The following COL9A2 variants were observed in gnomAD, a reference collection of about 807,000 sequenced individuals.
The protein encoded by COL9A2 is collagen alpha-2(IX) chain.
A neutral mutation model predicts 111.6 loss-of-function variants in COL9A2; 66 were observed. The observed-to-expected ratio is 0.59, with a 90% CI of 0.48 to 0.73. COL9A2 has a LOEUF of 0.73. Ranked by LOEUF, COL9A2 falls within the 30% of genes least tolerant of loss-of-function variation. The pLI, the probability that COL9A2 is intolerant of heterozygous loss-of-function variation, is 0.00. For synonymous variants in COL9A2, 353 were observed against 364.1 expected, an observed-to-expected ratio of 0.97 and a Z score of 0.35; for missense variants, 881 against 954.1, an observed-to-expected ratio of 0.92 and a Z score of 1.01.
chr1:40,307,691 C>T lies in COL9A2; in HGVS notation c.954+12G>A. The T allele has an allele frequency of 1.2e-6, 2 of 1,614,062 alleles. No individual in the cohort carries two copies. The highest frequency in any genetic ancestry group is 1.7e-6 in the Non-Finnish European group (2 of 1,179,946). On this transcript the variant is annotated intron_variant, in intron 18 of 31. Transcript: ENST00000372748. This position sits in a 1 kb window ranked among gnomAD's most constrained non-coding sequence, Gnocchi z 4.8. ...GCCCCTGCCCCAGTCCCATCAGCAG[C>T]CCCACTCCTACCTTCATGCCAGGCG...
chr1:40,308,516 C>T (rs1449104911), intron 16 of COL9A2, among the ~76,000 whole-genome samples: 1 of 152,220 alleles, frequency 6.6e-6, no homozygotes, highest in South Asian at 2.1e-4. Context: ...TGGCCAAGGC[C>T]CCACAATCCA....
intron 22 of COL9A2, 61 bp from the exon 23 acceptor site, chr1:40,304,590 C>G (rs543645717): frequency 6.3e-7 from 1 of 1,590,946 alleles, no homozygotes; most frequent in East Asian, 2.2e-5. Context: ...CCTCCCGCAC[C>G]GAGGCCTGGC....
rs776949373 is a variant in COL9A2 at position 40,308,230 on chromosome 1, G to A, written c.862C>T (p.Arg288Cys). ...GGGCCTGTGATCCCCTGGGGTCCAC[G>A]AATACCTGGGCTGCCCTGCAAAGCG... ...EKGDEGSPGI[R>C]GPQGITGPKG... Residue 288 changes from arginine to cysteine, a missense_variant, in exon 17 of 32, where the codon CGT becomes TGT. Coordinates refer to ENST00000372748, the MANE Select transcript of COL9A2 (RefSeq NM_001852.4). 8.7e-6 allele frequency: 14 copies of A among 1,613,940 alleles called. No individual in the cohort carries two copies. The highest frequency in any genetic ancestry group is 1.1e-5 in the South Asian group (1 of 91,060).
chr1:40,302,804 G>A lies in COL9A2; in HGVS notation c.1609C>T (p.Leu537=), dbSNP rs1057515453. ...TTGGCACTCACGGCGACCTCTGCCA[G>A]TTGCTCTGGAGGGAGGGAGGGAGGG... ...DVALKMLQEQ[L]AEVAVSAKRE... Residue 537 remains leucine, a synonymous_variant, in exon 30 of 32, where the codon CTG becomes TTG. Coordinates refer to ENST00000372748, the MANE Select transcript of COL9A2 (RefSeq NM_001852.4). The surrounding 1 kb of genome is among the most constrained non-coding windows in gnomAD (Gnocchi z 4.5). 3 of 815,582 alleles carry A rather than the reference G, an allele frequency of 3.7e-6. No homozygotes were observed. The highest frequency in any genetic ancestry group is 1.3e-4 in the East Asian group (2 of 15,688). 50.5% of individuals were successfully genotyped at this position (815,582 alleles called of 1,614,324 possible).
chr1:40,300,499 C>T lies in COL9A2; in HGVS notation c.*683G>A, dbSNP rs1057515565. On this transcript the variant is annotated 3_prime_UTR_variant, in exon 32 of 32. Transcript: ENST00000372748. The surrounding 1 kb of genome is among the most constrained non-coding windows in gnomAD (Gnocchi z 4.4). ...CCAACAACTCCTCTATCCTAGTTAA[C>T]TCCAGGATAGAGTAACTCCAATATC... The T allele has an allele frequency of 2.0e-5, 3 of 152,298 alleles. No homozygotes were observed. The highest frequency in any genetic ancestry group is 1.3e-4 in the Admixed American group (2 of 15,288). The allele number at this position is 152,298 out of a possible 1,614,324, so 9.4% of individuals were successfully genotyped here. A position where few individuals can be genotyped will look rare whatever the true frequency, so the allele number is the denominator to read the frequency against.
chr1:40,303,750 C>T lies in COL9A2; in HGVS notation c.1401+57G>A. 6.7e-7 allele frequency: 1 copy of T among 1,495,234 alleles called. No individual in the cohort carries two copies. The highest frequency in any genetic ancestry group is 8.9e-7 in the Non-Finnish European group (1 of 1,121,764). The allele number at this position is 1,495,234 out of a possible 1,614,324, so 92.6% of individuals were successfully genotyped here. ...GTGGGCGAGAGTGGGGGGTGGGGGT[C>T]GAGGAAGGGAGTGGCCGCCCAGGAA... is the stretch of plus-strand genomic sequence containing the variant. On this transcript the variant is annotated intron_variant, in intron 27 of 31. Coordinates refer to ENST00000372748, the MANE Select transcript of COL9A2 (RefSeq NM_001852.4). The surrounding 1 kb of genome is among the most constrained non-coding windows in gnomAD (Gnocchi z 4.6).
chr1:40,302,439 A>G lies in COL9A2; in HGVS notation c.1792+182T>C, dbSNP rs560359790. Among the ~76,000 whole-genome samples the G allele has an allele frequency of 3.0e-4, 46 of 152,292 alleles. No homozygotes were observed. Among genetic ancestry groups the G allele is most frequent in the African/African-American group, 9.6e-4 (40 of 41,564 alleles). The stretch of plus-strand genomic sequence containing the variant: ...CAAACCCCAGAAACCCCGAGTGATA[A>G]CATAGTACATTCATTGCCATCCGTT... On this transcript the variant is annotated intron_variant, in intron 30 of 31. Coordinates refer to ENST00000372748, the MANE Select transcript of COL9A2 (RefSeq NM_001852.4). This position sits in a 1 kb window ranked among gnomAD's most constrained non-coding sequence, Gnocchi z 4.5.
rs76810153 is a variant in COL9A2 at position 40,303,502 on chromosome 1, G to T, written c.1548+28C>A. On this transcript the variant is annotated intron_variant, in intron 28 of 31. Transcript: ENST00000372748. The surrounding 1 kb of genome is among the most constrained non-coding windows in gnomAD (Gnocchi z 4.6). ...CCCAGAACAGATCTACCTAGAAGAA[G>T]CACCTCCTACCCCGGGGCCCGACTC... is the stretch of plus-strand genomic sequence containing the variant. 0.03 allele frequency: 48,904 copies of T among 1,612,116 alleles called. 1,959 individuals are homozygous for T. The highest frequency in any genetic ancestry group is 0.19 in the African/African-American group (14,335 of 74,906).
Position 40,303,207 on chromosome 1 carries a change from G to T in COL9A2, c.1549-22C>A. The T allele has an allele frequency of 6.2e-7, 1 of 1,605,688 alleles. No individual in the cohort carries two copies. Among genetic ancestry groups the T allele is most frequent in the African/African-American group, 1.3e-5 (1 of 74,914 alleles). On this transcript the variant is annotated intron_variant, in intron 28 of 31. Coordinates refer to ENST00000372748, the MANE Select transcript of COL9A2 (RefSeq NM_001852.4). The surrounding 1 kb of genome is among the most constrained non-coding windows in gnomAD (Gnocchi z 4.6). Reference sequence around the variant, plus strand: ...GGCCCTGAAAGCAGAGGCCTTTCAGGAAGAAGCCCCTGGCTACAAGGGCCC... The same window carrying T: ...GGCCCTGAAAGCAGAGGCCTTTCAGTAAGAAGCCCCTGGCTACAAGGGCCC...
In COL9A2 at chr1:40,307,075, C is replaced by T. The variant is rs1644041337; in HGVS notation, c.1008+371G>A. On this transcript the variant is annotated intron_variant, in intron 19 of 31. Transcript: ENST00000372748. This position sits in a 1 kb window ranked among gnomAD's most constrained non-coding sequence, Gnocchi z 4.8. ...GGCCAGGCTGGTTTTGAACTCCTGA[C>T]CTCAAGTGATCCACTCAGCTGAGCC... 6.6e-6 allele frequency among the ~76,000 whole-genome samples: 1 copy of T among 152,104 alleles called. No individual in the cohort carries two copies. The highest frequency in any genetic ancestry group is 2.4e-5 in the African/African-American group (1 of 41,400).
In COL9A2 at chr1:40,307,996, G is replaced by A. The variant is rs925330189; in HGVS notation, c.900+196C>T. 1.3e-5 allele frequency among the ~76,000 whole-genome samples: 2 copies of A among 152,192 alleles called. No homozygotes were observed. The highest frequency in any genetic ancestry group is 4.8e-5 in the African/African-American group (2 of 41,446). ...TCCCCGACTGCTGCAAGCTCCCCAT[G>A]ACCTCCCGTATGTCATCACCCCTGT... On this transcript the variant is annotated intron_variant, in intron 17 of 31. Transcript: ENST00000372748. This position sits in a 1 kb window ranked among gnomAD's most constrained non-coding sequence, Gnocchi z 4.8.
In COL9A2 at chr1:40,303,822, C is replaced by A; in HGVS notation, c.1386G>T (p.Pro462=). Residue 462 remains proline (P), a synonymous_variant, in exon 27 of 32, where the codon CCG becomes CCT. Coordinates refer to ENST00000372748, the MANE Select transcript of COL9A2 (RefSeq NM_001852.4). This position sits in a 1 kb window ranked among gnomAD's most constrained non-coding sequence, Gnocchi z 4.6. ...GAGGACTCACCTGTCCCTTGGGCCCCGGCTCGCCGGACTCGCCCTGCAGGC... is the reference window on the plus strand; with the variant it reads ...GAGGACTCACCTGTCCCTTGGGCCCAGGCTCGCCGGACTCGCCCTGCAGGC... The part of the protein sequence containing the change: ...EKGEKGESGE[P]GPKGQQGVRG... 1 of 1,561,500 alleles carries A rather than the reference C, an allele frequency of 6.4e-7. No homozygotes were observed. Among genetic ancestry groups the A allele is most frequent in the Admixed American group, 1.9e-5 (1 of 51,744 alleles).
chr1:40,311,046 C>T lies in COL9A2; in HGVS notation c.630+47G>A, dbSNP rs1227261098. The T allele has an allele frequency of 2.5e-6, 4 of 1,609,254 alleles. No individual in the cohort carries two copies. Among genetic ancestry groups the T allele is most frequent in the Admixed American group, 1.7e-5 (1 of 60,028 alleles). On this transcript the variant is annotated intron_variant, in intron 12 of 31. Transcript: ENST00000372748. The surrounding 1 kb of genome is among the most constrained non-coding windows in gnomAD (Gnocchi z 5.1). ...AAGAAGGGGACAGAGCCCTGTAGGACCATCTCCACGTATCCCTGACCCACA... is the reference window on the plus strand; with the variant it reads ...AAGAAGGGGACAGAGCCCTGTAGGATCATCTCCACGTATCCCTGACCCACA...
Position 40,309,991 on chromosome 1 carries a change from C to T in COL9A2, c.793G>A (p.Gly265Ser), listed in dbSNP as rs1312857439. ...GGCGGTCCCCTAGGACCTTCCTCAC[C>T]CTGGCAAGAAAGACAAGCAGGAATC... ...VGAIGATGPP[G>S]EEGPRGPPGR... The change falls in exon 16 of 32, where the codon GGT (glycine) becomes AGT (serine). Residue 265 changes from glycine to serine, a missense_variant and splice_region_variant. Transcript: ENST00000372748. The T allele has an allele frequency of 6.2e-7, 1 of 1,614,042 alleles. No homozygotes were observed. The highest frequency in any genetic ancestry group is 1.7e-5 in the Admixed American group (1 of 60,014).
At position 40,303,883 on chromosome 1, in the gene COL9A2, G is replaced by C. The variant is rs1310066782; in HGVS notation, c.1369-44C>G. The C allele has an allele frequency of 1.9e-6, 3 of 1,549,142 alleles. No homozygotes were observed. Among genetic ancestry groups the C allele is most frequent in the East Asian group, 2.4e-5 (1 of 41,002 alleles). ...GCGGTCACGAAGCCGCGGGGACCCCGGGGCCAGCCGCCGCTCCCCGCCCTT... is the reference window on the plus strand; with the variant it reads ...GCGGTCACGAAGCCGCGGGGACCCCCGGGCCAGCCGCCGCTCCCCGCCCTT... On this transcript the variant is annotated intron_variant, in intron 26 of 31. Transcript: ENST00000372748. This position sits in a 1 kb window ranked among gnomAD's most constrained non-coding sequence, Gnocchi z 4.6.
intron 1 of COL9A2, 75 bp from the exon 2 acceptor site, chr1:40,315,739 C>A (rs1021951356): frequency 2.7e-6 from 3 of 1,111,732 alleles, no homozygotes; most frequent in African/African-American, 3.2e-5. Context: ...TGCAAGCGAC[C>A]CTGGGAGCGG....
chr1:40,301,754 A>G lies in COL9A2; in HGVS notation c.1870+58T>C, dbSNP rs75924208. The G allele has an allele frequency of 9.4e-3, 14,350 of 1,531,890 alleles. 1,153 individuals are homozygous for G. The African/African-American group carries it at 0.17, about 18-fold the overall frequency. The allele number at this position is 1,531,890 out of a possible 1,614,324, so 94.9% of individuals were successfully genotyped here. ...CCATGGAGGAGACCGCAGTGTCCAC[A>G]CGTCATTAATTCCCAAGCTGAGGAA... On this transcript the variant is annotated intron_variant, in intron 31 of 31. Transcript: ENST00000372748.
At chr1:40,306,667 G>T (rs116156413) in intron 19 of COL9A2, among the ~76,000 whole-genome samples, 2,518 of 152,198 alleles carry the variant, frequency 0.017, 78 homozygotes, top group African/African-American at 0.058. Context: ...AAAAGCCAAG[G>T]CCTGTTGAGA....
Position 40,301,255 on chromosome 1 carries a change from G to A in COL9A2, c.1997C>T (p.Pro666Leu), listed in dbSNP as rs1288563189. Residue 666 changes from proline to leucine, a missense_variant, in exon 32 of 32, where the codon CCT becomes CTT. Transcript: ENST00000372748. ...GGCCGAAGCTCCAAGGCAGGCGGCA[G>A]GTTCACAGAAGCCCGGCAGCCCCAC... is the stretch of plus-strand genomic sequence containing the variant. Reference protein sequence around the residue: ...GPVGLPGFCEPAACLGASAYA... With the variant: ...GPVGLPGFCELAACLGASAYA... The A allele has an allele frequency of 6.2e-7, 1 of 1,614,188 alleles. No individual in the cohort carries two copies. Among genetic ancestry groups the A allele is most frequent in the Non-Finnish European group, 8.5e-7 (1 of 1,180,020 alleles).
Sources: gnomAD v4.1 joint callset for allele counts (sites outside exome capture counted in the v4.1 genomes callset) on GRCh38, gnomAD v4.1.1 for gene constraint, Gnocchi (gnomAD v3.1) non-coding constraint, MANE v1.5 for transcripts, NCBI Gene and HGNC (gene_info 2026-07-23, HGNC 2026-07-21) for gene names.